The following ANKRD60 variants were observed in gnomAD, a reference collection of about 807,000 sequenced individuals.
ANKRD60 encodes the protein ankyrin repeat domain 60.
Under a neutral mutation model 21.3 loss-of-function variants are expected in ANKRD60, and 24 were observed. That is an observed-to-expected ratio of 1.13 (90% CI 0.82 to 1.59). The LOEUF is 1.59. ANKRD60 is among the 40% of genes most tolerant of loss of function. The pLI is 0.00. For missense variants in ANKRD60, 490 were observed against 466.7 expected, an observed-to-expected ratio of 1.05 and a Z score of -0.46; for synonymous variants, 182 against 199.4, an observed-to-expected ratio of 0.91 and a Z score of 0.74.
At chr20:58,224,375 G>A (rs1213950167) in intron 1 of ANKRD60, among the ~76,000 whole-genome samples, 2 of 152,168 alleles carry the variant, frequency 1.3e-5, no homozygotes, top group African/African-American at 4.8e-5. Flanking sequence ...TATGTACTAG[G>A]TACTTAGTGA....
chr20:58,221,593 G>T, intron 2 of ANKRD60, 90 bp from the exon 3 acceptor site: 1 of 1,381,528 alleles, frequency 7.2e-7, no homozygotes, highest in Non-Finnish European at 9.8e-7. Context: ...GGGAAGGCTT[G>T]CTTGAATGTC....
Position 58,228,125 on chromosome 20 carries a change from G to A in ANKRD60, c.430+99C>T. 3 of 1,230,460 alleles carry A rather than the reference G, an allele frequency of 2.4e-6. No homozygotes were observed. Among genetic ancestry groups the A allele is most frequent in the Non-Finnish European group, 3.3e-6 (3 of 896,768 alleles). 76.2% of individuals were successfully genotyped at this position (1,230,460 alleles called of 1,614,324 possible). A position where few individuals can be genotyped will look rare whatever the true frequency, so the allele number is the denominator to read the frequency against. The stretch of plus-strand genomic sequence containing the variant: ...TTTCAGGGGTTTGCTTTGACATCTG[G>A]GGTTTCTCACGTAAGCAGGCTTCCC... On this transcript the variant is annotated intron_variant, in intron 1 of 3. Coordinates refer to ENST00000457363, the Ensembl canonical transcript of ANKRD60. The surrounding 1 kb of genome is among the most constrained non-coding windows in gnomAD (Gnocchi z 5.3).
chr20:58,224,314 A>C (rs542364437), intron 1 of ANKRD60, among the ~76,000 whole-genome samples: 2 of 152,174 alleles, frequency 1.3e-5, no homozygotes, highest in African/African-American at 4.8e-5. Flanking sequence ...CTAGAGTCCA[A>C]CTGAGTGGGA....
intron 1 of ANKRD60, among the ~76,000 whole-genome samples, chr20:58,227,845 G>A (rs1416014317): frequency 1.3e-5 from 2 of 152,118 alleles, no homozygotes; most frequent in South Asian, 2.1e-4. Context: ...TTGGCTTTGG[G>A]ACCTGGGTTC....
chr20:58,226,479 T>C (rs1024794715), intron 1 of ANKRD60, among the ~76,000 whole-genome samples: 4 of 152,164 alleles, frequency 2.6e-5, no homozygotes, highest in Non-Finnish European at 5.9e-5. Flanking sequence ...AATTTGGGGT[T>C]CTGGTATAAA....
At chr20:58,227,505 C>T (rs1329175817) in intron 1 of ANKRD60, among the ~76,000 whole-genome samples, 1 of 151,712 alleles carries the variant, frequency 6.6e-6, no homozygotes, top group East Asian at 1.9e-4. Context: ...AAGGTTTGTT[C>T]AAGCCCTGGC....
At chr20:58,226,902 A>G (rs1984374497) in intron 1 of ANKRD60, among the ~76,000 whole-genome samples, 1 of 152,060 alleles carries the variant, frequency 6.6e-6, no homozygotes, top group African/African-American at 2.4e-5. Flanking sequence ...TGGGGTTCAG[A>G]TGCACAAATG....
chr20:58,228,547 C>A lies in ANKRD60; in HGVS notation c.107G>T (p.Gly36Val). 1 of 1,318,562 alleles carries A rather than the reference C, an allele frequency of 7.6e-7. No individual in the cohort carries two copies. Among genetic ancestry groups the A allele is most frequent in the Non-Finnish European group, 9.6e-7 (1 of 1,037,682 alleles). The allele number at this position is 1,318,562 out of a possible 1,614,324, so 81.7% of individuals were successfully genotyped here. A position where few individuals can be genotyped will look rare whatever the true frequency, so the allele number is the denominator to read the frequency against. The change falls in exon 1 of 4, where the codon GGA becomes GTA. Residue 36 changes from glycine (G) to valine (V), a missense_variant. Gly to Val is a moderately radical substitution (Grantham distance 109). Transcript: ENST00000457363. The surrounding 1 kb of genome is among the most constrained non-coding windows in gnomAD (Gnocchi z 5.3). Reference sequence around the variant, plus strand: ...CCCGGCCCGCGCACCGCTCCTGCGTCCCGCATTGGGGTGCAGGCGAGAGGC... The same window carrying A: ...CCCGGCCCGCGCACCGCTCCTGCGTACCGCATTGGGGTGCAGGCGAGAGGC...
chr20:58,224,074 C>T (rs1235092853), intron 1 of ANKRD60, among the ~76,000 whole-genome samples: 3 of 151,998 alleles, frequency 2.0e-5, no homozygotes, highest in Non-Finnish European at 4.4e-5. Context: ...TGCATTCCAG[C>T]CTGGGCAATA....
chr20:58,220,479 T>C (rs936551928), intron 3 of ANKRD60, among the ~76,000 whole-genome samples: 1 of 122,462 alleles, frequency 8.2e-6, no homozygotes, highest in African/African-American at 3.1e-5. Context: ...TTTCTATCTA[T>C]CAAGAGAGCC....
Position 58,228,598 on chromosome 20 carries a change from G to T in ANKRD60, c.56C>A (p.Ala19Glu). Residue 19 changes from alanine to glutamate, a missense_variant, in exon 1 of 4, where the codon GCG (alanine) becomes GAG (glutamate). Ala to Glu is a moderately radical substitution (Grantham distance 107). Coordinates refer to ENST00000457363, the Ensembl canonical transcript of ANKRD60. The surrounding 1 kb of genome is among the most constrained non-coding windows in gnomAD (Gnocchi z 5.3). ...GCCCCCAGTTGGCCCCGCCGCCCGCGCTCCGCCCGCCCCCGCCGCCGCCCG... is the reference window on the plus strand; with the variant it reads ...GCCCCCAGTTGGCCCCGCCGCCCGCTCTCCGCCCGCCCCCGCCGCCGCCCG... The T allele has an allele frequency of 9.1e-7, 1 of 1,099,852 alleles. No individual in the cohort carries two copies. Among genetic ancestry groups the T allele is most frequent in the Non-Finnish European group, 1.1e-6 (1 of 902,766 alleles). 68.1% of individuals were successfully genotyped at this position (1,099,852 alleles called of 1,614,324 possible).
At position 58,228,589 on chromosome 20, in the gene ANKRD60, G is replaced by T; in HGVS notation, c.65C>A (p.Ala22Glu). The change falls in exon 1 of 4, where the codon GCG (alanine) becomes GAG (glutamate). Residue 22 changes from alanine to glutamate, a missense_variant. Coordinates refer to ENST00000457363, the Ensembl canonical transcript of ANKRD60. The surrounding 1 kb of genome is among the most constrained non-coding windows in gnomAD (Gnocchi z 5.3). ...GCGAGAGGCGCCCCCAGTTGGCCCC[G>T]CCGCCCGCGCTCCGCCCGCCCCCGC... is the stretch of plus-strand genomic sequence containing the variant. 8.8e-7 allele frequency: 1 copy of T among 1,133,034 alleles called. No individual in the cohort carries two copies. Among genetic ancestry groups the T allele is most frequent in the South Asian group, 4.2e-5 (1 of 23,582 alleles). The allele number at this position is 1,133,034 out of a possible 1,614,324, so 70.2% of individuals were successfully genotyped here. A position where few individuals can be genotyped will look rare whatever the true frequency, so the allele number is the denominator to read the frequency against.
At chr20:58,223,215 T>C in intron 1 of ANKRD60, 33 bp from the exon 2 acceptor site, 4 of 1,527,790 alleles carry the variant, frequency 2.6e-6, no homozygotes, top group African/African-American at 2.8e-5. Flanking sequence ...TTTTAAAAAA[T>C]TGGGTATTAA....
Position 58,228,541 on chromosome 20 carries a change from C to T in ANKRD60, c.113G>A (p.Arg38Lys), listed in dbSNP as rs1376483502. 1.5e-6 allele frequency: 2 copies of T among 1,323,700 alleles called. No individual in the cohort carries two copies. The highest frequency in any genetic ancestry group is 1.9e-6 in the Non-Finnish European group (2 of 1,040,728). 82.0% of individuals were successfully genotyped at this position (1,323,700 alleles called of 1,614,324 possible). ...CTGAGCCCCGGCCCGCGCACCGCTC[C>T]TGCGTCCCGCATTGGGGTGCAGGCG... The change falls in exon 1 of 4, where the codon AGG becomes AAG. Residue 38 changes from arginine (R) to lysine (K), a missense_variant. Arg to Lys is a conservative substitution (Grantham distance 26). Transcript: ENST00000457363. This position sits in a 1 kb window ranked among gnomAD's most constrained non-coding sequence, Gnocchi z 5.3.
At chr20:58,220,980 G>A (rs1418452279) in intron 3 of ANKRD60, among the ~76,000 whole-genome samples, 1 of 152,148 alleles carries the variant, frequency 6.6e-6, no homozygotes, top group East Asian at 1.9e-4. Context: ...TTTCATGCGA[G>A]GCTGGAAATC....
downstream of ANKRD60, among the ~76,000 whole-genome samples, chr20:58,217,003 G>A (rs1984149979): frequency 6.6e-6 from 1 of 152,224 alleles, no homozygotes; most frequent in Admixed American, 6.5e-5. Flanking sequence ...GATTTTGGTT[G>A]TTTCTATCAC....
intron 2 of ANKRD60, 95 bp from the exon 3 acceptor site, chr20:58,221,598 A>C (rs1375782858): frequency 3.0e-5 from 41 of 1,359,310 alleles, no homozygotes; most frequent in Non-Finnish European, 4.1e-5. Context: ...GGCTTGCTTG[A>C]ATGTCAAATT....
chr20:58,227,721 G>A (rs1267542907), intron 1 of ANKRD60, among the ~76,000 whole-genome samples: 1 of 152,204 alleles, frequency 6.6e-6, no homozygotes, highest in East Asian at 1.9e-4. Context: ...CCAGCATGGA[G>A]GAGGACTTGG....
chr20:58,218,471 G>A (rs112768121), downstream of ANKRD60: 15 of 1,535,752 alleles, frequency 9.8e-6, no homozygotes, highest in African/African-American at 1.4e-4. Flanking sequence ...ACCAGCCTCA[G>A]CGGGCAAACG....
Sources: allele counts gnomAD v4.1 joint callset (sites outside exome capture counted in the v4.1 genomes callset), GRCh38; gene constraint gnomAD v4.1.1; non-coding constraint Gnocchi (gnomAD v3.1); transcripts MANE v1.5; gene names NCBI Gene and HGNC (gene_info 2026-07-23, HGNC 2026-07-21).